The following MMS22L variants were observed in gnomAD, a reference collection of about 807,000 sequenced individuals.
MMS22L encodes protein MMS22-like.
A neutral mutation model predicts 159.1 loss-of-function variants in MMS22L; 74 were observed. The ratio of observed to expected loss-of-function variants is 0.47; its 90% confidence interval spans 0.39 to 0.56. MMS22L has a LOEUF of 0.56. Among genes scored for constraint, MMS22L ranks in the 20% least tolerant of loss-of-function variants. The pLI is 0.00. For synonymous variants in MMS22L, 517 were observed against 506.9 expected (o/e 1.02, Z -0.27); for missense variants, 1,351 against 1,422.1 (o/e 0.95, Z 0.80).
intron 4 of MMS22L, among the ~76,000 whole-genome samples, chr6:97,274,722 A>G (rs1321314641): frequency 6.6e-6 from 1 of 152,166 alleles, no homozygotes; most frequent in Non-Finnish European, 1.5e-5. Context: ...AGAAGAAAGA[A>G]GCTATACAAA....
intron 10 of MMS22L, among the ~76,000 whole-genome samples, chr6:97,252,289 A>C (rs956781375): frequency 6.6e-6 from 1 of 152,108 alleles, no homozygotes; most frequent in Non-Finnish European, 1.5e-5. Context: ...TACAGTTCCA[A>C]CAAGTTTTTA....
chr6:97,228,839 A>C, intron 14 of MMS22L, 55 bp downstream of exon 14: 6 of 1,472,946 alleles, frequency 4.1e-6, no homozygotes, highest in Non-Finnish European at 5.5e-6. Context: ...TATAAAATCC[A>C]CATAAGTAAT....
intron 12 of MMS22L, among the ~76,000 whole-genome samples, chr6:97,232,690 C>A (rs949602549): frequency 2.0e-5 from 3 of 152,014 alleles, no homozygotes; most frequent in Non-Finnish European, 2.9e-5. Context: ...ACTCTTCCTG[C>A]CTCAAGACTA....
intron 6 of MMS22L, chr6:97,271,351 G>A (rs1028250020): frequency 5.3e-5 from 8 of 152,018 alleles, no homozygotes; most frequent in Non-Finnish European, 8.8e-5. Flanking sequence ...CCTAGTTTGA[G>A]GACCCCAGTG....
intron 14 of MMS22L, among the ~76,000 whole-genome samples, chr6:97,212,194 C>T (rs945677793): frequency 2.0e-5 from 3 of 152,142 alleles, no homozygotes; most frequent in Admixed American, 6.5e-5. Flanking sequence ...TTCTCCAATA[C>T]CAGCACAAAG....
chr6:97,219,633 T>G (rs1418190982), intron 14 of MMS22L, among the ~76,000 whole-genome samples: 1 of 152,202 alleles, frequency 6.6e-6, no homozygotes, highest in African/African-American at 2.4e-5. Context: ...TAGAAAAGAT[T>G]AAGTAACTTC....
intron 3 of MMS22L, 130 bp from the exon 4 acceptor site, chr6:97,279,028 G>C: frequency 1.6e-6 from 1 of 639,546 alleles, no homozygotes; most frequent in Non-Finnish European, 2.6e-6. Context: ...TTAATACCTT[G>C]TGAATGTTAA....
chr6:97,249,311 C>A (rs1812994888), intron 10 of MMS22L, among the ~76,000 whole-genome samples: 1 of 152,174 alleles, frequency 6.6e-6, no homozygotes. Flanking sequence ...CTGGCCTATG[C>A]CCTTCTTCCC....
intron 15 of MMS22L, among the ~76,000 whole-genome samples, chr6:97,186,038 A>C (rs139379675): frequency 5.0e-4 from 76 of 152,236 alleles, no homozygotes; most frequent in African/African-American, 1.7e-3. Context: ...CTTAAAGTAG[A>C]ATCTAGTAGA....
intron 14 of MMS22L, among the ~76,000 whole-genome samples, chr6:97,224,763 T>C (rs1810042442): frequency 3.3e-5 from 5 of 151,874 alleles, no homozygotes; most frequent in Non-Finnish European, 5.9e-5. Context: ...GTGGTATGGT[T>C]AGTTTTGGTT....
At chr6:97,272,464 G>A (rs1261729189) in intron 6 of MMS22L, 2 of 409,488 alleles carry the variant, frequency 4.9e-6, no homozygotes, top group African/African-American at 4.1e-5. Context: ...TCATGTATAT[G>A]AATTTATTTA....
intron 22 of MMS22L, among the ~76,000 whole-genome samples, chr6:97,158,016 A>G (rs1802038651): frequency 6.6e-6 from 1 of 152,108 alleles, no homozygotes; most frequent in Non-Finnish European, 1.5e-5. Flanking sequence ...TGGTCTATTC[A>G]GATGTTCGAC....
chr6:97,231,353 A>C (rs1582714731), intron 13 of MMS22L, 73 bp downstream of exon 13: 1 of 1,104,420 alleles, frequency 9.1e-7, no homozygotes, highest in Non-Finnish European at 1.3e-6. Context: ...CCAAGTAAAC[A>C]TAACAAAATA....
chr6:97,186,596 C>T lies in MMS22L; in HGVS notation c.2134G>A (p.Ala712Thr). ...SLSAKERHLA[A>T]VASALWRHFF... ...TGTCTCCACAGTGCACTGGCAACTGCAGCAAGGTGGCGCTCTTTAGCCGAT... is the reference window on the plus strand; with the variant it reads ...TGTCTCCACAGTGCACTGGCAACTGTAGCAAGGTGGCGCTCTTTAGCCGAT... The change falls in exon 15 of 25, where the codon GCA becomes ACA. Residue 712 changes from alanine to threonine, a missense_variant. By Grantham distance (58) the Ala-to-Thr change is moderately conservative. Coordinates refer to ENST00000683635, the MANE Select transcript of MMS22L (RefSeq NM_001350599.2). 2 of 1,612,326 alleles carry T rather than the reference C, an allele frequency of 1.2e-6. No homozygotes were observed. The highest frequency in any genetic ancestry group is 1.7e-6 in the Non-Finnish European group (2 of 1,179,246).
chr6:97,170,784 G>A (rs1803463036), intron 19 of MMS22L, among the ~76,000 whole-genome samples: 1 of 152,114 alleles, frequency 6.6e-6, no homozygotes, highest in Non-Finnish European at 1.5e-5. Context: ...AGGCAGGCAG[G>A]CTGCTTGAGC....
chr6:97,269,783 A>C (rs1815529833), intron 7 of MMS22L, 119 bp downstream of exon 7: 1 of 675,352 alleles, frequency 1.5e-6, no homozygotes, highest in African/African-American at 1.8e-5. Flanking sequence ...TTTACTTCAT[A>C]CTTTGTTTAC....
At chr6:97,234,206 C>T (rs1013801167) in intron 11 of MMS22L, among the ~76,000 whole-genome samples, 5 of 152,124 alleles carry the variant, frequency 3.3e-5, no homozygotes, top group African/African-American at 1.2e-4. Context: ...AGTCACATAA[C>T]TCGACTTTTA....
At chr6:97,217,043 C>T (rs550909704) in intron 14 of MMS22L, among the ~76,000 whole-genome samples, 1 of 152,044 alleles carries the variant, frequency 6.6e-6, no homozygotes, top group Non-Finnish European at 1.5e-5. Flanking sequence ...TGTTCTTTCT[C>T]CACCCTTATG....
chr6:97,277,549 AC>A (rs1816361294), intron 4 of MMS22L, among the ~76,000 whole-genome samples: 1 of 150,458 alleles, frequency 6.6e-6, no homozygotes, highest in African/African-American at 2.5e-5. Context: ...TCCAAACAAA[AC>A]ACACACACAC....
Sources: allele counts gnomAD v4.1 joint callset (sites outside exome capture counted in the v4.1 genomes callset), GRCh38; gene constraint gnomAD v4.1.1; transcripts MANE v1.5; gene names NCBI Gene and HGNC (gene_info 2026-07-23, HGNC 2026-07-21).